Variants in PEX14 observed in about 807,000 individuals in gnomAD.
The protein encoded by PEX14 is peroxisomal membrane protein PEX14.
Under a neutral mutation model 49.5 loss-of-function variants are expected in PEX14, and 15 were observed. The observed-to-expected ratio is 0.30, with a 90% confidence interval of 0.20 to 0.47. PEX14 has a LOEUF of 0.47. Ranked by LOEUF, PEX14 falls within the 20% of genes least tolerant of loss-of-function variation. The pLI is 1.00. For missense variants in PEX14, 398 were observed against 494.8 expected (o/e 0.80, Z 1.86); for synonymous variants, 210 against 212.7 (o/e 0.99, Z 0.11).
intron 3 of PEX14, among the ~76,000 whole-genome samples, chr1:10,574,178 A>G (rs1454300852): frequency 6.6e-6 from 1 of 152,244 alleles, no homozygotes; most frequent in Non-Finnish European, 1.5e-5. Context: ...TATGAAACAC[A>G]TACAAAAGGA....
chr1:10,519,906 C>G (rs944003367), intron 2 of PEX14, among the ~76,000 whole-genome samples: 5 of 152,096 alleles, frequency 3.3e-5, no homozygotes, highest in Non-Finnish European at 7.4e-5. Context: ...CTCCATGTAG[C>G]TGGGACCATA....
At chr1:10,571,015 G>GTTTTT (rs34811019) in intron 3 of PEX14, among the ~76,000 whole-genome samples, 2 of 74,562 alleles carry the variant, frequency 2.7e-5, no homozygotes, top group African/African-American at 9.6e-5. Context: ...CGCCTGGCTA[G>GTTTTT]TTTTTTTTTT....
At chr1:10,493,004 T>TTAGCTGGATC (rs1641496863) in intron 1 of PEX14, among the ~76,000 whole-genome samples, 1 of 152,158 alleles carries the variant, frequency 6.6e-6, no homozygotes, top group South Asian at 2.1e-4. Context: ...AGGAAGTGTC[T>TTAGCTGGATC]TAGCTGGATC....
intron 3 of PEX14, among the ~76,000 whole-genome samples, chr1:10,579,329 A>G (rs1640243429): frequency 2.0e-5 from 3 of 152,186 alleles, no homozygotes; most frequent in African/African-American, 7.2e-5. Context: ...AAATAAAGAC[A>G]TTATAAGATA....
intron 3 of PEX14, among the ~76,000 whole-genome samples, chr1:10,587,918 T>TC (rs1640545244): frequency 1.9e-4 from 20 of 104,168 alleles, no homozygotes; most frequent in African/African-American, 7.2e-4. Context: ...TTTTTTTTTT[T>TC]TTAAAAAAAA....
chr1:10,579,763 A>G (rs766809734), intron 3 of PEX14, among the ~76,000 whole-genome samples: 2 of 152,070 alleles, frequency 1.3e-5, no homozygotes, highest in Non-Finnish European at 2.9e-5. Context: ...GAGGACAACC[A>G]GATGTTACTC....
intron 3 of PEX14, among the ~76,000 whole-genome samples, chr1:10,545,190 A>G (rs1209069762): frequency 6.6e-6 from 1 of 152,150 alleles, no homozygotes; most frequent in Non-Finnish European, 1.5e-5. Context: ...CTAGTGGTTC[A>G]TTCCTTTTTA....
intron 2 of PEX14, among the ~76,000 whole-genome samples, chr1:10,517,327 T>TG (rs1030805036): frequency 1.3e-5 from 2 of 152,140 alleles, no homozygotes; most frequent in African/African-American, 4.8e-5. Flanking sequence ...CCTCTCCTAT[T>TG]GGGGGCAGAG....
At chr1:10,504,381 G>T (rs1013510360) in intron 2 of PEX14, among the ~76,000 whole-genome samples, 1 of 152,196 alleles carries the variant, frequency 6.6e-6, no homozygotes, top group Non-Finnish European at 1.5e-5. Flanking sequence ...ACAGTCAGAG[G>T]CAGAGAGGAA....
intron 2 of PEX14, among the ~76,000 whole-genome samples, chr1:10,507,335 A>G (rs546500117): frequency 1.3e-5 from 2 of 152,354 alleles, no homozygotes; most frequent in East Asian, 3.9e-4. Context: ...CGCTGCACAA[A>G]CGTATCTTCA....
At chr1:10,583,216 T>G (rs2124573443) in intron 3 of PEX14, among the ~76,000 whole-genome samples, 1 of 149,136 alleles carries the variant, frequency 6.7e-6, no homozygotes, top group South Asian at 2.1e-4. Flanking sequence ...TTATTTATTC[T>G]TTCTACACTT....
At chr1:10,533,105 T>C (rs1638696232) in intron 2 of PEX14, among the ~76,000 whole-genome samples, 1 of 152,008 alleles carries the variant, frequency 6.6e-6, no homozygotes, top group Non-Finnish European at 1.5e-5. Flanking sequence ...AAGAAATAAT[T>C]AGTGAAAAGA....
chr1:10,484,583 G>A lies in PEX14; in HGVS notation c.36+9581G>A, dbSNP rs75783592. ...ATTTGTAGTAGTTTTTGATTCCTGCGTAACAGTATTACCACAAATTTAGCC... is the reference window on the plus strand; with the variant it reads ...ATTTGTAGTAGTTTTTGATTCCTGCATAACAGTATTACCACAAATTTAGCC... On this transcript the variant is annotated intron_variant, in intron 1 of 8. Transcript: ENST00000356607. Among the ~76,000 whole-genome samples the A allele has an allele frequency of 7.0e-3, 1,069 of 151,816 alleles. 8 individuals carry two copies. Among genetic ancestry groups the A allele is most frequent in the Non-Finnish European group, 0.011 (764 of 68,024 alleles).
rs1638937511 is a variant in PEX14, at chr1:10,539,456, T to G, written c.169+3159T>G. On this transcript the variant is annotated intron_variant, in intron 3 of 8. Transcript: ENST00000356607. The surrounding 1 kb of genome is among the most constrained non-coding windows in gnomAD (Gnocchi z 4.6). Reference sequence around the variant, plus strand: ...ATTTTGGATGAAAGAAAAAAGCAGCTGCTCACCTTCAGAGTATTAGAATAA... The same window carrying G: ...ATTTTGGATGAAAGAAAAAAGCAGCGGCTCACCTTCAGAGTATTAGAATAA... Among the ~76,000 whole-genome samples the G allele has an allele frequency of 2.0e-5, 3 of 152,162 alleles. No homozygotes were observed. The highest frequency in any genetic ancestry group is 4.4e-5 in the Non-Finnish European group (3 of 68,002).
chr1:10,482,381 T>C (rs980946438), intron 1 of PEX14, among the ~76,000 whole-genome samples: 5 of 151,160 alleles, frequency 3.3e-5, no homozygotes, highest in African/African-American at 1.2e-4. Flanking sequence ...CCACCTACCT[T>C]GGCCTCCCAA....
chr1:10,539,267 C>CT lies in PEX14; in HGVS notation c.169+2979dup, dbSNP rs533276295. Among the ~76,000 whole-genome samples the CT allele has an allele frequency of 4.4e-4, 66 of 151,170 alleles. 1 individual carries two copies. The highest frequency in any genetic ancestry group is 6.5e-4 in the African/African-American group (27 of 41,256). The stretch of plus-strand genomic sequence containing the variant: ...TGGTTTGCAAAGGTCTTTCCTGTTA[C>CT]TTTTTTTTTGTTTTTTGTTTTGAGA... On this transcript the variant is annotated intron_variant, in intron 3 of 8. Transcript: ENST00000356607. This position sits in a 1 kb window ranked among gnomAD's most constrained non-coding sequence, Gnocchi z 4.6.
At chr1:10,543,779 T>C (rs1639088760) in intron 3 of PEX14, among the ~76,000 whole-genome samples, 1 of 152,192 alleles carries the variant, frequency 6.6e-6, no homozygotes, top group South Asian at 2.1e-4. Flanking sequence ...GTGAGTTTTT[T>C]TGTAGAGACA....
intron 3 of PEX14, among the ~76,000 whole-genome samples, chr1:10,577,544 A>ATATATATATATATATG (rs1640163727): frequency 1.7e-4 from 1 of 5,798 alleles, no homozygotes; most frequent in African/African-American, 3.8e-4. Flanking sequence ...ATATATATAT[A>ATATATATATATATATG]TATATATATA....
At chr1:10,586,495 A>G (rs563508962) in intron 3 of PEX14, among the ~76,000 whole-genome samples, 4 of 152,328 alleles carry the variant, frequency 2.6e-5, no homozygotes, top group Admixed American at 2.6e-4. Flanking sequence ...AGCATTATTC[A>G]TAGATGGTCC....
Sources: allele counts gnomAD v4.1 joint callset (sites outside exome capture counted in the v4.1 genomes callset), GRCh38; gene constraint gnomAD v4.1.1; non-coding constraint Gnocchi (gnomAD v3.1); transcripts MANE v1.5; gene names NCBI Gene and HGNC (gene_info 2026-07-23, HGNC 2026-07-21).